Variants in ARHGAP29 observed in about 807,000 individuals in gnomAD.
ARHGAP29 encodes rho GTPase-activating protein 29.
A neutral mutation model predicts 122.6 loss-of-function variants in ARHGAP29; 43 were observed. The observed-to-expected ratio is 0.35, with a 90% CI of 0.27 to 0.45. ARHGAP29 has a LOEUF of 0.45. ARHGAP29 is among the 20% of genes least tolerant of loss of function. The probability of loss-of-function intolerance (pLI) is 1.00; values close to 1 mark genes in which losing one functional copy is unlikely to be tolerated. For synonymous variants in ARHGAP29, 506 were observed against 497.1 expected (o/e 1.02, Z -0.24); for missense variants, 1,303 against 1,477.2 (o/e 0.88, Z 1.93).
chr1:94,184,214 C>A lies in ARHGAP29; in HGVS notation c.2184G>T (p.Leu728Phe), dbSNP rs763749375. 1.2e-5 allele frequency: 20 copies of A among 1,611,852 alleles called. No homozygotes were observed. Among genetic ancestry groups the A allele is most frequent in the Non-Finnish European group, 1.6e-5 (19 of 1,178,992 alleles). The change falls in exon 19 of 23, where the codon TTG becomes TTT. Residue 728 changes from leucine (L) to phenylalanine (F), a missense_variant. Physicochemically the swap from Leu to Phe is conservative, Grantham distance 22 (BLOSUM62 0). Transcript: ENST00000260526. ...LCQALENGMH[L>F]VDISEFSSHD... ...GTGAACTAAATTCTGAAATATCTACCAAGTGCATTCCATTTTCCAAAGCTT... is the reference window on the plus strand; with the variant it reads ...GTGAACTAAATTCTGAAATATCTACAAAGTGCATTCCATTTTCCAAAGCTT...
chr1:94,287,399 A>G, the ARHGAP29 span, among the ~76,000 whole-genome samples: 1 of 152,026 alleles, frequency 6.6e-6, no homozygotes, highest in Non-Finnish European at 1.5e-5. Flanking sequence ...TCCTGCTATG[A>G]AGAAGTTCTT....
chr1:94,192,981 T>C (rs894295996), intron 12 of ARHGAP29: 5 of 152,114 alleles, frequency 3.3e-5, no homozygotes, highest in African/African-American at 9.7e-5. Flanking sequence ...CCAACCCTGA[T>C]ACAGCTCAGA....
chr1:94,280,946 C>A, the ARHGAP29 span, among the ~76,000 whole-genome samples: 1 of 152,220 alleles, frequency 6.6e-6, no homozygotes, highest in Admixed American at 6.5e-5. Flanking sequence ...CTTCCATTCT[C>A]CTGTGCCATC....
chr1:94,189,074 T>A, intron 14 of ARHGAP29, 133 bp from the exon 15 acceptor site: 1 of 1,332,478 alleles, frequency 7.5e-7, no homozygotes, highest in Non-Finnish European at 1.0e-6. Flanking sequence ...ACAGGCACCA[T>A]GGTAACAACT....
At chr1:94,265,161 A>G (rs758199461) in intron 1 of ARHGAP29, among the ~76,000 whole-genome samples, 1 of 151,996 alleles carries the variant, frequency 6.6e-6, no homozygotes, top group Non-Finnish European at 1.5e-5. Flanking sequence ...GTCCTTCCTG[A>G]CTCATTTTGT....
At chr1:94,260,658 G>A (rs1654525343) in intron 1 of ARHGAP29, among the ~76,000 whole-genome samples, 1 of 152,188 alleles carries the variant, frequency 6.6e-6, no homozygotes, top group East Asian at 1.9e-4. Flanking sequence ...AGTAGGTAGA[G>A]AGATTGGAAA....
the ARHGAP29 span, among the ~76,000 whole-genome samples, chr1:94,297,136 A>G: frequency 6.6e-6 from 1 of 152,108 alleles, no homozygotes; most frequent in Non-Finnish European, 1.5e-5. Context: ...AGTTTTCCCA[A>G]GCAAAATAGG....
At chr1:94,181,704 T>G (rs766465603) in intron 19 of ARHGAP29, among the ~76,000 whole-genome samples, 1 of 152,194 alleles carries the variant, frequency 6.6e-6, no homozygotes, top group African/African-American at 2.4e-5. Flanking sequence ...TCTTTCATTT[T>G]AAGCAGACAG....
intron 1 of ARHGAP29, among the ~76,000 whole-genome samples, chr1:94,255,206 T>C (rs1378297843): frequency 6.6e-6 from 1 of 152,134 alleles, no homozygotes; most frequent in African/African-American, 2.4e-5. Context: ...CAATGACAAG[T>C]GTCTTTACAA....
chr1:94,209,623 A>T (rs1006713387), intron 3 of ARHGAP29, among the ~76,000 whole-genome samples: 1 of 152,190 alleles, frequency 6.6e-6, no homozygotes, highest in Non-Finnish European at 1.5e-5. Flanking sequence ...CTCAATGTGA[A>T]ATCCATCAGT....
intron 3 of ARHGAP29, among the ~76,000 whole-genome samples, chr1:94,218,495 C>G (rs2101575883): frequency 6.6e-6 from 1 of 152,320 alleles, no homozygotes; most frequent in Admixed American, 6.5e-5. Flanking sequence ...CAGGCGCACT[C>G]CTTCCCCAGG....
the ARHGAP29 span, among the ~76,000 whole-genome samples, chr1:94,313,334 A>G: frequency 6.6e-6 from 1 of 152,166 alleles, no homozygotes; most frequent in Admixed American, 6.6e-5. Context: ...ACTAAGAAAC[A>G]AGACCCTCTT....
At chr1:94,196,525 T>C (rs940687799) in intron 12 of ARHGAP29, among the ~76,000 whole-genome samples, 3 of 151,976 alleles carry the variant, frequency 2.0e-5, no homozygotes, top group African/African-American at 7.2e-5. Context: ...CCTCCCAAAG[T>C]GCTGGGATTA....
At position 94,203,959 on chromosome 1, in the gene ARHGAP29, C is replaced by T. The variant is rs1457639532; in HGVS notation, c.733G>A (p.Glu245Lys). The T allele has an allele frequency of 6.2e-7, 1 of 1,613,762 alleles. No homozygotes were observed. The highest frequency in any genetic ancestry group is 8.5e-7 in the Non-Finnish European group (1 of 1,179,954). The change falls in exon 8 of 23, where the codon GAG becomes AAG. Residue 245 changes from glutamate (E) to lysine (K), a missense_variant. Around this residue, in one of 3 missense-constraint regions of ARHGAP29, gnomAD observed 592 missense variants for 648.2 expected, o/e 0.91. Transcript: ENST00000260526. ...ATTCCAATGTTAGTTCTAGTTGCCTCTGCCAACTTGACCATATTTCTAGTG... is the reference window on the plus strand; with the variant it reads ...ATTCCAATGTTAGTTCTAGTTGCCTTTGCCAACTTGACCATATTTCTAGTG... ...ESTRNMVKLA[E>K]ATRTNIGIQE...
chr1:94,309,563 T>C, the ARHGAP29 span, among the ~76,000 whole-genome samples: 1 of 152,060 alleles, frequency 6.6e-6, no homozygotes, highest in Non-Finnish European at 1.5e-5. Flanking sequence ...TACAAAGGAA[T>C]AGATCAGTAG....
the ARHGAP29 span, among the ~76,000 whole-genome samples, chr1:94,299,195 T>G: frequency 1.3e-5 from 2 of 152,242 alleles, no homozygotes; most frequent in Non-Finnish European, 2.9e-5. Context: ...ACCACTGTTT[T>G]GATCAGTATG....
intron 1 of ARHGAP29, among the ~76,000 whole-genome samples, chr1:94,246,245 T>C (rs1012267059): frequency 9.2e-5 from 14 of 152,190 alleles, no homozygotes; most frequent in African/African-American, 2.9e-4. Flanking sequence ...AAATAAGCAT[T>C]TCTGGCAAAC....
In ARHGAP29 at chr1:94,231,595, T is replaced by C; in HGVS notation, c.17A>G (p.Gln6Arg). MIAHK[Q>R]KKTKKKRAWA... is the part of the protein sequence containing the mutation. ...AGCACGTTTTTTCTTTGTCTTTTTC[T>C]GTTTGTGAGCAATCATCCTTTCATG... Residue 6 changes from glutamine (Q) to arginine (R), a missense_variant, in exon 2 of 23, where the codon CAG becomes CGG. Transcript: ENST00000260526. 1 of 1,613,356 alleles carries C rather than the reference T, an allele frequency of 6.2e-7. No homozygotes were observed. The highest frequency in any genetic ancestry group is 8.5e-7 in the Non-Finnish European group (1 of 1,179,608).
At chr1:94,267,281 T>C (rs879677015) in intron 1 of ARHGAP29, among the ~76,000 whole-genome samples, 1 of 152,228 alleles carries the variant, frequency 6.6e-6, no homozygotes, top group Non-Finnish European at 1.5e-5. Context: ...TGGTGTGTTC[T>C]CAATTAGGAT....
Sources: gnomAD v4.1 joint callset for allele counts (sites outside exome capture counted in the v4.1 genomes callset) on GRCh38, gnomAD v4.1.1 for gene constraint, gnomAD v4.1.1 regional missense constraint, MANE v1.5 for transcripts, NCBI Gene and HGNC (gene_info 2026-07-23, HGNC 2026-07-21) for gene names.